PPP1R37: variants seen among roughly 807,000 people sequenced by gnomAD.
PPP1R37 encodes the protein protein phosphatase 1 regulatory subunit 37.
In PPP1R37, 21 loss-of-function variants were observed where a neutral mutation model predicts 61.0. The ratio of observed to expected loss-of-function variants is 0.34; its 90% CI spans 0.24 to 0.50. The LOEUF is 0.50. Ranked by LOEUF, PPP1R37 falls within the 20% of genes least tolerant of loss-of-function variation. PPP1R37 has a pLI of 0.98. For synonymous variants in PPP1R37, 443 were observed against 433.5 expected, an observed-to-expected ratio of 1.02 and a Z score of -0.27; for missense variants, 910 against 952.7, an observed-to-expected ratio of 0.96 and a Z score of 0.59.
At chr19:45,134,583 C>G (rs2122745618) in intron 1 of PPP1R37, among the ~76,000 whole-genome samples, 1 of 143,822 alleles carries the variant, frequency 7.0e-6, no homozygotes, top group South Asian at 2.2e-4. Context: ...TTTCTTGAGA[C>G]AGAGTCACTC....
chr19:45,116,248 G>A (rs75509651), intron 1 of PPP1R37, among the ~76,000 whole-genome samples: 8,693 of 152,328 alleles, frequency 0.057, 315 homozygotes, highest in South Asian at 0.12. Context: ...CAGGCAGTTG[G>A]GAAGGTCAGG....
intron 4 of PPP1R37, among the ~76,000 whole-genome samples, chr19:45,140,980 G>A (rs1968603812): frequency 1.3e-5 from 2 of 152,142 alleles, no homozygotes; most frequent in Non-Finnish European, 2.9e-5. Context: ...CACCTCCTCA[G>A]CCTTGGGAGT....
chr19:45,122,060 GCCT>G (rs890664250), intron 1 of PPP1R37, among the ~76,000 whole-genome samples: 2 of 152,186 alleles, frequency 1.3e-5, no homozygotes, highest in Admixed American at 1.3e-4. Context: ...GTACTCTTCT[GCCT>G]CCTCCTCCCT....
chr19:45,142,577 G>T, intron 7 of PPP1R37, 119 bp downstream of exon 7: 1 of 1,085,832 alleles, frequency 9.2e-7, no homozygotes, highest in Non-Finnish European at 1.3e-6. Flanking sequence ...CTGTCCTGCT[G>T]GGGCTCCCAG....
intron 1 of PPP1R37, among the ~76,000 whole-genome samples, chr19:45,122,114 C>A (rs1372067629): frequency 1.3e-5 from 2 of 152,172 alleles, no homozygotes; most frequent in Non-Finnish European, 2.9e-5. Context: ...CTGTCCCTCC[C>A]CTGCCCCCCA....
chr19:45,145,095 CGCGGTG>C lies in PPP1R37; in HGVS notation c.1142_1147del (p.Val381_Ala382del). 1 of 1,532,488 alleles carries C rather than the reference CGCGGTG, an allele frequency of 6.5e-7. No homozygotes were observed. Among genetic ancestry groups the C allele is most frequent in the Non-Finnish European group, 8.7e-7 (1 of 1,145,398 alleles). The allele number at this position is 1,532,488 out of a possible 1,614,324, so 94.9% of individuals were successfully genotyped here. On this transcript the variant is annotated inframe_deletion and splice_region_variant, in exon 10 of 13. Coordinates refer to ENST00000221462, the MANE Select transcript of PPP1R37 (RefSeq NM_019121.2). ...CCAGCCCCTGCGGTGCCCCCCCAGG[CGCGGTG>C]GCGGTGGCGGAGTTCATCGCTGAGA...
rs557242236 is a variant in PPP1R37 at position 45,093,262 on chromosome 19, C to T, written c.-64C>T. ...CATGCCCCGGGACGGCGGGCGGACC[C>T]GGAGAGACAAATCCGGGGCCCGGGG... On this transcript the variant is annotated 5_prime_UTR_variant, in exon 1 of 13. Transcript: ENST00000221462. 7.8e-7 allele frequency: 1 copy of T among 1,279,394 alleles called. No homozygotes were observed. The highest frequency in any genetic ancestry group is 1.0e-6 in the Non-Finnish European group (1 of 994,514). The allele number at this position is 1,279,394 out of a possible 1,614,324, so 79.3% of individuals were successfully genotyped here.
chr19:45,145,514 C>G lies in PPP1R37; in HGVS notation c.1458C>G (p.Asp486Glu). ...ETTATEPQPD[D>E]EPAAGVQNGA... ...CCGCCACCGAGCCCCAGCCCGACGA[C>G]GAGCCCGCCGCTGGGGTGCAGAACG... Residue 486 changes from aspartate to glutamate, a missense_variant, in exon 11 of 13, where the codon GAC (aspartate) becomes GAG (glutamate). Asp to Glu is a conservative substitution (Grantham distance 45, BLOSUM62 2). Coordinates refer to ENST00000221462, the MANE Select transcript of PPP1R37 (RefSeq NM_019121.2). 1 of 1,533,980 alleles carries G rather than the reference C, an allele frequency of 6.5e-7. No individual in the cohort carries two copies. Among genetic ancestry groups the G allele is most frequent in the Non-Finnish European group, 8.7e-7 (1 of 1,145,958 alleles).
In PPP1R37 at chr19:45,107,270, G is replaced by A. The variant is rs190078875; in HGVS notation, c.202+13743G>A. 5.3e-5 allele frequency among the ~76,000 whole-genome samples: 8 copies of A among 151,804 alleles called. No individual in the cohort carries two copies. In the East Asian group the frequency reaches 1.2e-3, roughly 22 times the overall value. ...CACTTTGGGAGGCCGAAGAGTTCGC[G>A]ACCAGCCTGGGCAACATAGCAAGAC... On this transcript the variant is annotated intron_variant, in intron 1 of 12. Transcript: ENST00000221462.
chr19:45,145,814 C>T lies in PPP1R37; in HGVS notation c.1758C>T (p.Ser586=). The part of the protein sequence containing the change: ...SPPERAEPPA[S]PTPPSPPPPP... ...CCGAGAGGGCAGAGCCCCCTGCGTC[C>T]CCCACCCCTCCCTCTCCCCCACCCC... The change falls in exon 11 of 13, where the codon TCC becomes TCT. Residue 586 remains serine (S), a synonymous_variant. Transcript: ENST00000221462. 4.4e-6 allele frequency: 4 copies of T among 908,804 alleles called. No individual in the cohort carries two copies. In the African/African-American group the frequency reaches 6.8e-5, roughly 15 times the overall value. The allele number at this position is 908,804 out of a possible 1,614,324, so 56.3% of individuals were successfully genotyped here.
At chr19:45,097,466 G>A (rs917080949) in intron 1 of PPP1R37, among the ~76,000 whole-genome samples, 19 of 152,002 alleles carry the variant, frequency 1.2e-4, no homozygotes, top group African/African-American at 4.1e-4. Flanking sequence ...TCCTTCAGCA[G>A]AGCCTCACCC....
rs150189651 is a variant in PPP1R37 at position 45,146,455 on chromosome 19, G to C, written c.2059G>C (p.Gly687Arg). 4 of 1,535,560 alleles carry C rather than the reference G, an allele frequency of 2.6e-6. No homozygotes were observed. In the Admixed American group the frequency reaches 5.9e-5, roughly 23 times the overall value. ...ELLLEASQES[G>R]QETL Reference sequence around the variant, plus strand: ...GCTTCTGGAAGCCAGTCAGGAATCCGGGCAGGAGACACTGTGACACTTTAG... The same window carrying C: ...GCTTCTGGAAGCCAGTCAGGAATCCCGGCAGGAGACACTGTGACACTTTAG... Residue 687 changes from glycine to arginine, a missense_variant, in exon 12 of 13, where the codon GGG (glycine) becomes CGG (arginine). This residue lies in a region of PPP1R37 where 549 missense variants were observed against 505.1 expected (regional missense o/e 1.09). Transcript: ENST00000221462.
Position 45,145,431 on chromosome 19 carries a change from CG to C in PPP1R37, c.1378del (p.Glu460ArgfsTer112). On this transcript the variant is annotated frameshift_variant, in exon 11 of 13. Transcript: ENST00000221462. LOFTEE classifies it high-confidence loss of function. ...NGCKRNLVLA[R>X]EREEKEQPPQ... The stretch of plus-strand genomic sequence containing the variant: ...CTGCAAGCGCAACTTGGTGCTGGCG[CG>C]GGAGAGGGAGGAGAAGGAGCAGCCG... 6.5e-7 allele frequency: 1 copy of C among 1,535,240 alleles called. No homozygotes were observed. The highest frequency in any genetic ancestry group is 8.7e-7 in the Non-Finnish European group (1 of 1,146,608).
At chr19:45,096,105 T>C (rs981498888) in intron 1 of PPP1R37, among the ~76,000 whole-genome samples, 1 of 152,152 alleles carries the variant, frequency 6.6e-6, no homozygotes, top group Non-Finnish European at 1.5e-5. Context: ...AGGGTGAGTG[T>C]TCTCGATGGC....
chr19:45,134,717 G>A (rs373527141), intron 1 of PPP1R37, among the ~76,000 whole-genome samples: 10 of 152,004 alleles, frequency 6.6e-5, no homozygotes, highest in African/African-American at 1.9e-4. Flanking sequence ...CCACCACCAC[G>A]CCCGGCTAAT....
At chr19:45,141,633 C>T (rs1296423787) in intron 5 of PPP1R37, among the ~76,000 whole-genome samples, 192 bp downstream of exon 5, 1 of 152,244 alleles carries the variant, frequency 6.6e-6, no homozygotes, top group Non-Finnish European at 1.5e-5. Flanking sequence ...CCCCTGGCCC[C>T]TTCTCTCCTT....
At position 45,140,521 on chromosome 19, in the gene PPP1R37, A is replaced by C; in HGVS notation, c.362A>C (p.Tyr121Ser). The C allele has an allele frequency of 6.5e-7, 1 of 1,535,928 alleles. No individual in the cohort carries two copies. The highest frequency in any genetic ancestry group is 1.7e-4 in the Middle Eastern group (1 of 5,990). The change falls in exon 4 of 13, where the codon TAC becomes TCC. Residue 121 changes from tyrosine to serine, a missense_variant. Tyr to Ser is a moderately radical substitution (Grantham distance 144, BLOSUM62 -2). Coordinates refer to ENST00000221462, the MANE Select transcript of PPP1R37 (RefSeq NM_019121.2). ...CLDLKGEKLDYKTCEALEEVF... is the reference protein window; with the variant it reads ...CLDLKGEKLDSKTCEALEEVF... Reference sequence around the variant, plus strand: ...CTCCCCCCAGGTGAGAAGCTTGACTACAAGACCTGTGAGGCCCTGGAAGAG... The same window carrying C: ...CTCCCCCCAGGTGAGAAGCTTGACTCCAAGACCTGTGAGGCCCTGGAAGAG...
intron 1 of PPP1R37, among the ~76,000 whole-genome samples, chr19:45,129,355 C>G (rs1259534655): frequency 6.6e-6 from 1 of 152,068 alleles, no homozygotes; most frequent in African/African-American, 2.4e-5. Flanking sequence ...CTGGAGTGCA[C>G]GGGGCACCAT....
intron 1 of PPP1R37, among the ~76,000 whole-genome samples, chr19:45,095,936 G>A (rs1410921702): frequency 6.6e-6 from 1 of 152,100 alleles, no homozygotes; most frequent in Non-Finnish European, 1.5e-5. Context: ...AGAGCAGGGT[G>A]TTTCAAGAGC....
Sources: gnomAD v4.1 joint callset for allele counts (sites outside exome capture counted in the v4.1 genomes callset) on GRCh38, gnomAD v4.1.1 for gene constraint, gnomAD v4.1.1 regional missense constraint, MANE v1.5 for transcripts, NCBI Gene and HGNC (gene_info 2026-07-23, HGNC 2026-07-21) for gene names.